The following MGAT4C variants were observed in gnomAD, a reference collection of about 807,000 sequenced individuals.
MGAT4C encodes MGAT4 family member C.
A neutral mutation model predicts 40.1 loss-of-function variants in MGAT4C; 19 were observed. That is an observed-to-expected ratio of 0.47 (90% confidence interval 0.33 to 0.70). The LOEUF is 0.70. Ranked by LOEUF, MGAT4C falls within the 30% of genes least tolerant of loss-of-function variation. The pLI, the probability that MGAT4C is intolerant of heterozygous loss-of-function variation, is 0.02. For synonymous variants in MGAT4C, 181 were observed against 187.1 expected, an observed-to-expected ratio of 0.97 and a Z score of 0.27; for missense variants, 491 against 563.2, an observed-to-expected ratio of 0.87 and a Z score of 1.30.
At chr12:86,029,698 A>G (rs1890565282) in intron 2 of MGAT4C, among the ~76,000 whole-genome samples, 1 of 151,908 alleles carries the variant, frequency 6.6e-6, no homozygotes, top group Admixed American at 6.6e-5. Flanking sequence ...ACTGTTGCCC[A>G]TGATATTAGT....
At chr12:86,160,471 T>C (rs1885471137) in intron 1 of MGAT4C, among the ~76,000 whole-genome samples, 1 of 152,044 alleles carries the variant, frequency 6.6e-6, no homozygotes, top group Admixed American at 6.6e-5. Flanking sequence ...TTTGAATGTA[T>C]TGATGCTTGC....
intron 1 of MGAT4C, among the ~76,000 whole-genome samples, chr12:86,246,254 C>G (rs549730906): frequency 2.8e-4 from 42 of 147,738 alleles, no homozygotes; most frequent in Non-Finnish European, 4.9e-4. Flanking sequence ...GGCTTGATCT[C>G]CGCTCACTGC....
intron 3 of MGAT4C, among the ~76,000 whole-genome samples, chr12:86,422,550 C>G (rs894405840): frequency 8.5e-5 from 13 of 152,128 alleles, no homozygotes; most frequent in Non-Finnish European, 1.5e-5. Flanking sequence ...TAGACTAAAT[C>G]TTATGGCCAA....
At chr12:86,479,976 T>A (rs554937030) in intron 2 of MGAT4C, among the ~76,000 whole-genome samples, 1 of 152,010 alleles carries the variant, frequency 6.6e-6, no homozygotes, top group East Asian at 1.9e-4. Context: ...CCTAAGTTAA[T>A]TTAACCGTTA....
chr12:86,180,375 C>T lies in MGAT4C; in HGVS notation c.-57+75864G>A, dbSNP rs184455446. ...GTCGGATCCCCACATAGAGTCCTTT[C>T]TGGGGCACTGCCTAATGGAGCTGTA... is the stretch of plus-strand genomic sequence containing the variant. On this transcript the variant is annotated intron_variant, in intron 1 of 4. Coordinates refer to ENST00000611864, the MANE Select transcript of MGAT4C (RefSeq NM_001351288.2). 4.6e-5 allele frequency among the ~76,000 whole-genome samples: 7 copies of T among 152,310 alleles called. No homozygotes were observed. The East Asian group carries it at 1.2e-3, about 25-fold the overall frequency.
At chr12:86,690,783 A>C (rs542342727) in intron 2 of MGAT4C, among the ~76,000 whole-genome samples, 3 of 151,986 alleles carry the variant, frequency 2.0e-5, no homozygotes, top group Admixed American at 1.3e-4. Context: ...TCAACTTTTA[A>C]TGTTGATGTT....
intron 1 of MGAT4C, among the ~76,000 whole-genome samples, chr12:86,779,826 T>C (rs1003807622): frequency 9.9e-5 from 15 of 151,918 alleles, no homozygotes; most frequent in Non-Finnish European, 1.9e-4. Context: ...GGCAGGAGAA[T>C]GGCGTGAACC....
chr12:86,331,976 T>G (rs1270898014), intron 4 of MGAT4C, among the ~76,000 whole-genome samples: 1 of 152,160 alleles, frequency 6.6e-6, no homozygotes, highest in Non-Finnish European at 1.5e-5. Flanking sequence ...AATTCTGGTT[T>G]ATGTTGAGTA....
At chr12:86,648,783 G>A (rs1963616789) in intron 2 of MGAT4C, among the ~76,000 whole-genome samples, 1 of 151,884 alleles carries the variant, frequency 6.6e-6, no homozygotes, top group Non-Finnish European at 1.5e-5. Context: ...TGATCATATT[G>A]TAGTGTACAA....
chr12:86,688,277 G>A (rs573388430), intron 2 of MGAT4C, among the ~76,000 whole-genome samples: 2 of 147,672 alleles, frequency 1.4e-5, no homozygotes, highest in South Asian at 2.2e-4. Context: ...ACAGCACACC[G>A]ATGGGTCTTG....
intron 3 of MGAT4C, among the ~76,000 whole-genome samples, chr12:86,404,342 C>G (rs1292397731): frequency 6.6e-6 from 1 of 152,122 alleles, no homozygotes; most frequent in Non-Finnish European, 1.5e-5. Flanking sequence ...AGTCGTAGAC[C>G]TGGTACATGT....
intron 1 of MGAT4C, among the ~76,000 whole-genome samples, chr12:86,109,650 C>T (rs1436929065): frequency 6.6e-6 from 1 of 151,642 alleles, no homozygotes; most frequent in Non-Finnish European, 1.5e-5. Flanking sequence ...ATGGTATAAT[C>T]CTAGGTAGAA....
chr12:86,540,468 T>C (rs1315952471), intron 2 of MGAT4C, among the ~76,000 whole-genome samples: 1 of 152,230 alleles, frequency 6.6e-6, no homozygotes, highest in African/African-American at 2.4e-5. Context: ...CTGGGCGCGG[T>C]GGCTCATGCC....
intron 2 of MGAT4C, among the ~76,000 whole-genome samples, chr12:86,045,014 A>G (rs540044443): frequency 1.2e-4 from 18 of 152,074 alleles, no homozygotes; most frequent in Admixed American, 8.5e-4. Context: ...GGGGCCAGGA[A>G]TAAGTTGTGG....
At chr12:86,733,736 AG>A (rs924028427) in intron 1 of MGAT4C, among the ~76,000 whole-genome samples, 2 of 151,996 alleles carry the variant, frequency 1.3e-5, no homozygotes, top group South Asian at 2.1e-4. Flanking sequence ...GCAAGGAAGA[AG>A]GGGGGGAGAC....
At chr12:86,114,515 T>A (rs1249529957) in intron 1 of MGAT4C, among the ~76,000 whole-genome samples, 1 of 151,032 alleles carries the variant, frequency 6.6e-6, no homozygotes, top group Non-Finnish European at 1.5e-5. Flanking sequence ...GCTCTCTTGA[T>A]TTTTTTTTCA....
At chr12:86,277,961 A>G (rs1244881491) in intron 4 of MGAT4C, among the ~76,000 whole-genome samples, 1 of 152,114 alleles carries the variant, frequency 6.6e-6, no homozygotes, top group Non-Finnish European at 1.5e-5. Flanking sequence ...TAGAGATTGC[A>G]TTAAATCTAC....
At chr12:86,765,775 A>T (rs1489036434) in intron 1 of MGAT4C, among the ~76,000 whole-genome samples, 1 of 152,132 alleles carries the variant, frequency 6.6e-6, no homozygotes, top group Admixed American at 6.5e-5. Flanking sequence ...TAAGCTTCAT[A>T]AGTGAAGGAG....
At chr12:86,487,998 C>T (rs771860171) in intron 2 of MGAT4C, among the ~76,000 whole-genome samples, 37 of 152,086 alleles carry the variant, frequency 2.4e-4, no homozygotes, top group Non-Finnish European at 4.3e-4. Flanking sequence ...ACTATAAGAG[C>T]GTTTTAATTC....
Sources: allele counts gnomAD v4.1 joint callset (sites outside exome capture counted in the v4.1 genomes callset), GRCh38; gene constraint gnomAD v4.1.1; transcripts MANE v1.5; gene names NCBI Gene and HGNC (gene_info 2026-07-23, HGNC 2026-07-21).